Variants in CNR2 observed in about 807,000 individuals in gnomAD.
CNR2 encodes the protein cannabinoid receptor 2 (macrophage).
For missense variants in CNR2, 379 were observed against 439.9 expected (o/e 0.86, Z 1.24); for synonymous variants, 172 against 182.2 (o/e 0.94, Z 0.45).
chr1:23,875,384 C>A lies in CNR2; in HGVS notation c.234G>T (p.Gly78=). The A allele has an allele frequency of 6.2e-7, 1 of 1,614,222 alleles. No homozygotes were observed. Among genetic ancestry groups the A allele is most frequent in the Non-Finnish European group, 8.5e-7 (1 of 1,180,040 alleles). Residue 78 remains glycine (G), a synonymous_variant, in exon 2 of 2, where the codon GGG becomes GGT. Coordinates refer to ENST00000374472, the MANE Select transcript of CNR2 (RefSeq NM_001841.3). The part of the protein sequence containing the change: ...PSYLFIGSLA[G]ADFLASVVFA... ...AGACCACACTGGCCAGGAAGTCAGC[C>A]CCAGCCAAGCTGCCAATGAACAGGT...
intron 1 of CNR2, among the ~76,000 whole-genome samples, chr1:23,911,237 G>A (rs537673603): frequency 2.2e-4 from 34 of 152,118 alleles, no homozygotes; most frequent in South Asian, 1.9e-3. Context: ...GCTGGGAGGG[G>A]ACCGAGGTCT....
At chr1:23,905,249 C>G (rs930391846) in intron 1 of CNR2, among the ~76,000 whole-genome samples, 2 of 149,152 alleles carry the variant, frequency 1.3e-5, no homozygotes, top group Non-Finnish European at 3.0e-5. Context: ...TAGTGCATCT[C>G]GGCTCACTGC....
chr1:23,882,329 C>T (rs1452393495), intron 1 of CNR2, among the ~76,000 whole-genome samples: 3 of 152,176 alleles, frequency 2.0e-5, no homozygotes, highest in East Asian at 3.9e-4. Flanking sequence ...CCTATGATGA[C>T]ATTGTCACGT....
intron 1 of CNR2, among the ~76,000 whole-genome samples, chr1:23,899,877 G>GAGAGAAAGAAAGAA (rs1176684073): frequency 0.21 from 157 of 756 alleles, 9 homozygotes; most frequent in Admixed American, 0.29. Context: ...GAAAGAGAGA[G>GAGAGAAAGAAAGAA]AGAGAAAGAA....
chr1:23,902,803 G>C lies in CNR2; in HGVS notation c.-46+10443C>G, dbSNP rs541342125. 864 of 1,424,466 alleles carry C rather than the reference G, an allele frequency of 6.1e-4. 11 individuals are homozygous for C. The African/African-American group carries it at 0.011, about 19-fold the overall frequency. 88.2% of individuals were successfully genotyped at this position (1,424,466 alleles called of 1,614,324 possible). A position where few individuals can be genotyped will look rare whatever the true frequency, so the allele number is the denominator to read the frequency against. On this transcript the variant is annotated intron_variant, in intron 1 of 1. Transcript: ENST00000374472. ...GTGTGGGCTGCGCGGGCGCGGGCGC[G>C]GGGGCGCGGTGCAGGCTGCGCTGCC...
At chr1:23,911,268 T>C (rs1441772384) in intron 1 of CNR2, among the ~76,000 whole-genome samples, 1 of 151,954 alleles carries the variant, frequency 6.6e-6, no homozygotes, top group African/African-American at 2.4e-5. Context: ...GAATTTGCTT[T>C]CTGGGAAGAT....
At chr1:23,879,038 G>A (rs2148458442) in intron 1 of CNR2, among the ~76,000 whole-genome samples, 1 of 152,338 alleles carries the variant, frequency 6.6e-6, no homozygotes, top group Admixed American at 6.5e-5. Context: ...AGAAAGAATA[G>A]TGAGCAAGTA....
chr1:23,885,925 C>CA (rs762725322), intron 1 of CNR2, among the ~76,000 whole-genome samples: 113 of 150,334 alleles, frequency 7.5e-4, no homozygotes, highest in Non-Finnish European at 7.5e-4. Flanking sequence ...CACGGTGGCT[C>CA]ACACCTGTAA....
intron 1 of CNR2, chr1:23,902,817 G>T: frequency 7.5e-7 from 1 of 1,338,300 alleles, no homozygotes; most frequent in Non-Finnish European, 9.5e-7. Context: ...GCGCGGTGCA[G>T]GCTGCGCTGC....
At chr1:23,912,078 CCG>C (rs1640597077) in intron 1 of CNR2, among the ~76,000 whole-genome samples, 1 of 152,212 alleles carries the variant, frequency 6.6e-6, no homozygotes, top group Non-Finnish European at 1.5e-5. Flanking sequence ...CGCCCTGTGC[CCG>C]CATCAGACAG....
intron 1 of CNR2, among the ~76,000 whole-genome samples, chr1:23,901,041 T>TG (rs1640389835): frequency 4.0e-3 from 1 of 252 alleles, no homozygotes; most frequent in Non-Finnish European, 0.024. Context: ...TAACTCTTTC[T>TG]TTTTTTAATT....
At chr1:23,898,335 C>CCATTTTT (rs1230917304) in intron 1 of CNR2, among the ~76,000 whole-genome samples, 16 of 108,168 alleles carry the variant, frequency 1.5e-4, no homozygotes, top group South Asian at 2.9e-4. Flanking sequence ...CCGCGCCCGG[C>CCATTTTT]TTTTTTTTTT....
chr1:23,886,128 T>G (rs6424122), intron 1 of CNR2, among the ~76,000 whole-genome samples: 108,152 of 148,914 alleles, frequency 0.73, 40,010 homozygotes, highest in Middle Eastern at 0.79. Context: ...GGCAGAGATT[T>G]CAGTGAGCCA....
At chr1:23,906,546 C>CTTT (rs55955111) in intron 1 of CNR2, among the ~76,000 whole-genome samples, 31 of 132,358 alleles carry the variant, frequency 2.3e-4, no homozygotes, top group African/African-American at 7.9e-4. Flanking sequence ...TTTTTTCTTT[C>CTTT]TTTTTTTTTT....
At chr1:23,897,062 A>G (rs964127881) in intron 1 of CNR2, among the ~76,000 whole-genome samples, 1 of 151,668 alleles carries the variant, frequency 6.6e-6, no homozygotes, top group Non-Finnish European at 1.5e-5. Context: ...TTTAGTAGAG[A>G]TGGGGTTTCA....
chr1:23,898,555 A>G (rs1238534884), intron 1 of CNR2, among the ~76,000 whole-genome samples: 2 of 141,924 alleles, frequency 1.4e-5, no homozygotes, highest in African/African-American at 2.6e-5. Flanking sequence ...GTTAACCAGG[A>G]TGGTCTCGAT....
chr1:23,875,514 G>T lies in CNR2; in HGVS notation c.104C>A (p.Ala35Asp), dbSNP rs1217622625. ...YMILSGPQKT[A>D]VAVLCTLLGL... ...CAGAAGAGTGCACAACACAGCAACA[G>T]CTGTCTTCTGGGGACCACTCAGGAT... The change falls in exon 2 of 2, where the codon GCT becomes GAT. Residue 35 changes from alanine to aspartate, a missense_variant. Transcript: ENST00000374472. 6.2e-7 allele frequency: 1 copy of T among 1,614,026 alleles called. No individual in the cohort carries two copies.
At position 23,874,456 on chromosome 1, in the gene CNR2, G is replaced by C; in HGVS notation, c.*79C>G. 6.9e-7 allele frequency: 1 copy of C among 1,454,800 alleles called. No individual in the cohort carries two copies. The highest frequency in any genetic ancestry group is 9.3e-7 in the Non-Finnish European group (1 of 1,077,180). 90.1% of individuals were successfully genotyped at this position (1,454,800 alleles called of 1,614,324 possible). On this transcript the variant is annotated 3_prime_UTR_variant, in exon 2 of 2. Coordinates refer to ENST00000374472, the MANE Select transcript of CNR2 (RefSeq NM_001841.3). ...TCTGGGACTGGTTTAAGTAAGAAGAGAGTGCCAAGACCCCTCTCTCTCTTC... is the reference window on the plus strand; with the variant it reads ...TCTGGGACTGGTTTAAGTAAGAAGACAGTGCCAAGACCCCTCTCTCTCTTC...
chr1:23,906,976 T>C (rs1640503272), intron 1 of CNR2: 1 of 134,840 alleles, frequency 7.4e-6, no homozygotes, highest in South Asian at 2.4e-4. Flanking sequence ...ATCTCTTTTA[T>C]ACCCAGTACA....
Sources: gnomAD v4.1 joint callset for allele counts (sites outside exome capture counted in the v4.1 genomes callset) on GRCh38, gnomAD v4.1.1 for gene constraint, MANE v1.5 for transcripts, NCBI Gene and HGNC (gene_info 2026-07-23, HGNC 2026-07-21) for gene names.